Variants in RPS6KA5 observed in about 807,000 individuals in gnomAD.
The protein encoded by RPS6KA5 is ribosomal protein S6 kinase A5, also known as ribosomal protein S6 kinase alpha-5.
In RPS6KA5, 27 loss-of-function variants were observed where a neutral mutation model predicts 85.5. The ratio of observed to expected loss-of-function variants is 0.32; its 90% CI spans 0.23 to 0.44. The LOEUF is 0.44. Among genes scored for constraint, RPS6KA5 ranks in the 20% least tolerant of loss-of-function variants. RPS6KA5 has a pLI of 1.00. For synonymous variants in RPS6KA5, 334 were observed against 348.2 expected, an observed-to-expected ratio of 0.96 and a Z score of 0.46; for missense variants, 811 against 980.9, an observed-to-expected ratio of 0.83 and a Z score of 2.31.
In RPS6KA5 at chr14:90,941,626, TAC is replaced by T. The variant is rs1385190641; in HGVS notation, c.618+1450_618+1451del. ...TAGGATCTGGGGGTTACCTGTTTCT[TAC>T]ACAGACTTTCAATCAATCCTCCTGG... On this transcript the variant is annotated intron_variant, in intron 5 of 16. Coordinates refer to ENST00000614987, the MANE Select transcript of RPS6KA5 (RefSeq NM_004755.4). Among the ~76,000 whole-genome samples, 5 of 152,354 alleles carry T rather than the reference TAC, an allele frequency of 3.3e-5. 1 individual carries two copies. Among genetic ancestry groups the T allele is most frequent in the Admixed American group, 2.6e-4 (4 of 15,302 alleles).
rs1051531707 is a variant in RPS6KA5 at position 90,873,485 on chromosome 14, C to T, written c.2160+147G>A. ...TTATAAAGTGTTTATAACCATGAAG[C>T]AATTTATAAAAACATACCTAAAAGT... On this transcript the variant is annotated intron_variant, in intron 16 of 16. Transcript: ENST00000614987. 1.9e-4 allele frequency: 134 copies of T among 723,936 alleles called. 1 individual carries two copies. In the East Asian group the frequency reaches 3.7e-3, roughly 20 times the overall value. The allele number at this position is 723,936 out of a possible 1,614,324, so 44.8% of individuals were successfully genotyped here.
chr14:90,932,418 G>GC (rs2037034910), intron 5 of RPS6KA5, among the ~76,000 whole-genome samples: 1 of 152,116 alleles, frequency 6.6e-6, no homozygotes, highest in Admixed American at 6.6e-5. Flanking sequence ...GGGATTACAG[G>GC]CATCAGCCCA....
At chr14:90,920,145 C>T (rs1728442532) in intron 7 of RPS6KA5, 61 bp downstream of exon 7, 2 of 1,067,922 alleles carry the variant, frequency 1.9e-6, no homozygotes, top group Non-Finnish European at 2.9e-6. Context: ...AGCCTAACCG[C>T]AGAAATGTGA....
intron 3 of RPS6KA5, among the ~76,000 whole-genome samples, chr14:90,960,252 C>A (rs1478916223): frequency 6.6e-6 from 1 of 152,072 alleles, no homozygotes; most frequent in Non-Finnish European, 1.5e-5. Context: ...ATCAAGAGAT[C>A]TATCAACTCT....
chr14:90,949,397 A>C (rs1447074069), intron 3 of RPS6KA5, among the ~76,000 whole-genome samples: 1 of 152,224 alleles, frequency 6.6e-6, no homozygotes, highest in Admixed American at 6.5e-5. Flanking sequence ...GCTATACTGC[A>C]ATTGTTTATT....
At chr14:90,975,188 T>C (rs1402608615) in intron 3 of RPS6KA5, among the ~76,000 whole-genome samples, 1 of 147,400 alleles carries the variant, frequency 6.8e-6, no homozygotes, top group Non-Finnish European at 1.5e-5. Flanking sequence ...AACACATATT[T>C]AAAAAAAAAA....
rs1481581314 is a variant in RPS6KA5 at position 90,860,737 on chromosome 14, G to A, written c.*11337C>T. On this transcript the variant is annotated 3_prime_UTR_variant, in exon 17 of 17. Coordinates refer to ENST00000614987, the MANE Select transcript of RPS6KA5 (RefSeq NM_004755.4). ...AGGTTTCAAAAAACAAAAGCTGAGA[G>A]AATTCATTGTCAGAAGACTGGCACT... The A allele has an allele frequency of 6.6e-6, 1 of 152,030 alleles. No homozygotes were observed. The highest frequency in any genetic ancestry group is 2.4e-5 in the African/African-American group (1 of 41,398). 9.4% of individuals were successfully genotyped at this position (152,030 alleles called of 1,614,324 possible).
chr14:90,999,704 G>A (rs943728338), intron 2 of RPS6KA5, among the ~76,000 whole-genome samples: 1 of 152,196 alleles, frequency 6.6e-6, no homozygotes, highest in Non-Finnish European at 1.5e-5. Context: ...AAATGCGGGT[G>A]CCTTGTTCAT....
At chr14:90,949,577 CTG>C (rs2038063516) in intron 3 of RPS6KA5, among the ~76,000 whole-genome samples, 1 of 152,176 alleles carries the variant, frequency 6.6e-6, no homozygotes, top group Non-Finnish European at 1.5e-5. Flanking sequence ...CAAAACCACT[CTG>C]AAACTTAAGA....
chr14:90,889,294 C>CAAA (rs11450327), intron 14 of RPS6KA5, among the ~76,000 whole-genome samples: 216 of 70,900 alleles, frequency 3.0e-3, no homozygotes, highest in African/African-American at 4.4e-3. Flanking sequence ...ACTTTGTCTC[C>CAAA]AAAAAAAAAA....
intron 7 of RPS6KA5, among the ~76,000 whole-genome samples, chr14:90,915,946 C>A: frequency 6.6e-6 from 1 of 151,776 alleles, no homozygotes; most frequent in East Asian, 1.9e-4. Flanking sequence ...TCATTCCAAT[C>A]AATAATACTG....
chr14:90,860,786 TC>T lies in RPS6KA5; in HGVS notation c.*11287del. On this transcript the variant is annotated 3_prime_UTR_variant, in exon 17 of 17. Coordinates refer to ENST00000614987, the MANE Select transcript of RPS6KA5 (RefSeq NM_004755.4). ...CTAAAATAAATACTAAAGAGAATTCTCCAGATGAAGAAAAGTAATCCCAGAT... is the reference window on the plus strand; with the variant it reads ...CTAAAATAAATACTAAAGAGAATTCTCAGATGAAGAAAAGTAATCCCAGAT... 1 of 151,492 alleles carries T rather than the reference TC, an allele frequency of 6.6e-6. No homozygotes were observed. Among genetic ancestry groups the T allele is most frequent in the South Asian group, 2.1e-4 (1 of 4,780 alleles). 9.4% of individuals were successfully genotyped at this position (151,492 alleles called of 1,614,324 possible).
intron 3 of RPS6KA5, among the ~76,000 whole-genome samples, chr14:90,977,306 T>C (rs2039610157): frequency 1.3e-5 from 2 of 152,314 alleles, no homozygotes; most frequent in South Asian, 2.1e-4. Context: ...TGGTAACAGA[T>C]AAAATCTTCA....
intron 1 of RPS6KA5, among the ~76,000 whole-genome samples, chr14:91,034,298 C>T (rs12895838): frequency 0.38 from 55,401 of 146,600 alleles, 12,416 homozygotes; most frequent in Non-Finnish European, 0.49. Flanking sequence ...GAAGTAAAAA[C>T]CCTGTCTCAA....
At chr14:90,899,916 A>C (rs2035065996) in intron 11 of RPS6KA5, among the ~76,000 whole-genome samples, 192 bp downstream of exon 11, 1 of 152,230 alleles carries the variant, frequency 6.6e-6, no homozygotes, top group Non-Finnish European at 1.5e-5. Context: ...ATTTATGTCT[A>C]AAATGGATTA....
intron 3 of RPS6KA5, among the ~76,000 whole-genome samples, chr14:90,958,129 A>G (rs1237238280): frequency 1.3e-5 from 2 of 152,194 alleles, no homozygotes; most frequent in African/African-American, 4.8e-5. Flanking sequence ...CCTGGGCAAC[A>G]GAGTGAAACC....
At chr14:90,881,288 T>TA (rs1378166520) in intron 14 of RPS6KA5, among the ~76,000 whole-genome samples, 5 of 151,010 alleles carry the variant, frequency 3.3e-5, no homozygotes, top group Non-Finnish European at 7.4e-5. Context: ...CCATCTCTAC[T>TA]AAAACTACAA....
intron 14 of RPS6KA5, among the ~76,000 whole-genome samples, chr14:90,887,473 G>A (rs1022687210): frequency 6.6e-6 from 1 of 151,894 alleles, no homozygotes; most frequent in Non-Finnish European, 1.5e-5. Flanking sequence ...TACAGACTGT[G>A]TCTGTCCATA....
chr14:90,967,466 C>A (rs10150204), intron 3 of RPS6KA5, among the ~76,000 whole-genome samples: 2,117 of 152,184 alleles, frequency 0.014, 59 homozygotes, highest in African/African-American at 0.048. Context: ...TTGAAAAATA[C>A]TGTCAAGCTT....
Sources: allele counts gnomAD v4.1 joint callset (sites outside exome capture counted in the v4.1 genomes callset), GRCh38; gene constraint gnomAD v4.1.1; transcripts MANE v1.5; gene names NCBI Gene and HGNC (gene_info 2026-07-23, HGNC 2026-07-21).